SPTLC2: variants seen among roughly 807,000 people sequenced by gnomAD.
SPTLC2 encodes the protein serine palmitoyltransferase long chain base subunit 2.
A neutral mutation model predicts 62.0 loss-of-function variants in SPTLC2; 21 were observed. The observed-to-expected ratio is 0.34, with a 90% CI of 0.24 to 0.49. The LOEUF (loss-of-function observed/expected upper bound fraction) is 0.49. Ranked by LOEUF, SPTLC2 falls within the 20% of genes least tolerant of loss-of-function variation. The pLI, the probability that SPTLC2 is intolerant of heterozygous loss-of-function variation, is 0.99. For missense variants in SPTLC2, 511 were observed against 713.0 expected (o/e 0.72, Z 3.23); for synonymous variants, 261 against 261.8 (o/e 1.00, Z 0.03).
At chr14:77,562,577 T>G in intron 5 of SPTLC2, 88 bp from the exon 6 acceptor site, 1 of 979,756 alleles carries the variant, frequency 1.0e-6, no homozygotes, top group South Asian at 1.3e-5. Context: ...CACTAATAGC[T>G]GTATCTTATT....
intron 11 of SPTLC2, among the ~76,000 whole-genome samples, chr14:77,516,460 G>A (rs2079360315): frequency 1.3e-5 from 2 of 152,016 alleles, no homozygotes; most frequent in Non-Finnish European, 1.5e-5. Flanking sequence ...GAAATTCTGA[G>A]TTAACAGGTG....
At chr14:77,532,360 G>A (rs2079445029) in intron 9 of SPTLC2, among the ~76,000 whole-genome samples, 1 of 152,116 alleles carries the variant, frequency 6.6e-6, no homozygotes. Context: ...TTTTTTATCT[G>A]TGCATTTGCT....
intron 6 of SPTLC2, among the ~76,000 whole-genome samples, chr14:77,560,571 T>C (rs991644809): frequency 6.6e-6 from 1 of 151,812 alleles, no homozygotes; most frequent in Non-Finnish European, 1.5e-5. Flanking sequence ...GCTGAGTTCA[T>C]GCCAATGCAT....
intron 9 of SPTLC2, among the ~76,000 whole-genome samples, chr14:77,534,095 T>C (rs1461114777): frequency 6.6e-6 from 1 of 151,446 alleles, no homozygotes; most frequent in Non-Finnish European, 1.5e-5. Context: ...GTGGTAGAGG[T>C]TGCAGTGAGC....
chr14:77,580,246 G>A (rs1177906788), intron 2 of SPTLC2, among the ~76,000 whole-genome samples: 1 of 151,968 alleles, frequency 6.6e-6, no homozygotes, highest in Non-Finnish European at 1.5e-5. Context: ...GCCGAGGTGG[G>A]TGGGTGGGAA....
rs914492883 is a variant in SPTLC2 at position 77,508,194 on chromosome 14, A to T, written c.*4090T>A. 3.9e-5 allele frequency: 6 copies of T among 152,154 alleles called. No homozygotes were observed. Among genetic ancestry groups the T allele is most frequent in the African/African-American group, 1.2e-4 (5 of 41,426 alleles). 9.4% of individuals were successfully genotyped at this position (152,154 alleles called of 1,614,324 possible). Reference sequence around the variant, plus strand: ...CCATGCCCGGTTAATTTAGAAAAAAATTTTTGTAGAGACAGGGTCTATCTT... The same window carrying T: ...CCATGCCCGGTTAATTTAGAAAAAATTTTTTGTAGAGACAGGGTCTATCTT... On this transcript the variant is annotated 3_prime_UTR_variant, in exon 12 of 12. Transcript: ENST00000216484.
Position 77,512,238 on chromosome 14 carries a change from C to G in SPTLC2, c.*46G>C, listed in dbSNP as rs1271462334. On this transcript the variant is annotated 3_prime_UTR_variant, in exon 12 of 12. Transcript: ENST00000216484. ...GGAACTGGCTCACAAAGGCCACAGG[C>G]TGTCCTGGGTGAGGGAGAGTTCCTC... The G allele has an allele frequency of 6.2e-7, 1 of 1,612,292 alleles. No individual in the cohort carries two copies. Among genetic ancestry groups the G allele is most frequent in the African/African-American group, 1.3e-5 (1 of 74,880 alleles).
Position 77,591,573 on chromosome 14 carries a change from A to AT in SPTLC2, c.327+5612dup, listed in dbSNP as rs997524426. 4.0e-5 allele frequency among the ~76,000 whole-genome samples: 6 copies of AT among 151,748 alleles called. 1 individual carries two copies. In the East Asian group the frequency reaches 5.8e-4, roughly 15 times the overall value. ...GTGCTCTTTATTTTTTATTCTTCTTATTTTTTTTAGACAATCTCGCTCCAT... is the reference window on the plus strand; with the variant it reads ...GTGCTCTTTATTTTTTATTCTTCTTATTTTTTTTTAGACAATCTCGCTCCAT... On this transcript the variant is annotated intron_variant, in intron 2 of 11. Coordinates refer to ENST00000216484, the MANE Select transcript of SPTLC2 (RefSeq NM_004863.4).
At chr14:77,601,432 A>G (rs1023044451) in intron 1 of SPTLC2, among the ~76,000 whole-genome samples, 11 of 152,144 alleles carry the variant, frequency 7.2e-5, no homozygotes, top group Admixed American at 3.3e-4. Flanking sequence ...GCCTATCCCA[A>G]AACCTATAAG....
rs186176830 is a variant in SPTLC2 at position 77,509,872 on chromosome 14, G to C, written c.*2412C>G. 2 of 398,362 alleles carry C rather than the reference G, an allele frequency of 5.0e-6. No homozygotes were observed. The highest frequency in any genetic ancestry group is 2.1e-5 in the African/African-American group (1 of 48,728). The allele number at this position is 398,362 out of a possible 1,614,324, so 24.7% of individuals were successfully genotyped here. ...ATTACACTTATCTTGAAATAACTTT[G>C]TACCAACAAAGTGATATAGATATAT... is the stretch of plus-strand genomic sequence containing the variant. On this transcript the variant is annotated 3_prime_UTR_variant, in exon 12 of 12. Coordinates refer to ENST00000216484, the MANE Select transcript of SPTLC2 (RefSeq NM_004863.4).
intron 2 of SPTLC2, among the ~76,000 whole-genome samples, chr14:77,595,202 T>A (rs571409522): frequency 1.3e-5 from 2 of 152,148 alleles, no homozygotes; most frequent in South Asian, 4.1e-4. Flanking sequence ...TCGTTTCTAC[T>A]AAAAATACAA....
chr14:77,542,228 CTTTT>C (rs1395069325), intron 9 of SPTLC2, among the ~76,000 whole-genome samples: 2 of 151,754 alleles, frequency 1.3e-5, no homozygotes, highest in East Asian at 1.9e-4. Flanking sequence ...GAATTTATTT[CTTTT>C]GTGTTTTTTT....
chr14:77,536,067 A>C, intron 9 of SPTLC2: 1 of 406,994 alleles, frequency 2.5e-6, no homozygotes, highest in South Asian at 1.8e-5. Flanking sequence ...AAGGCTAAAA[A>C]CTGTGGAGAC....
intron 2 of SPTLC2, among the ~76,000 whole-genome samples, chr14:77,580,717 T>G (rs751281809): frequency 3.9e-5 from 6 of 152,040 alleles, no homozygotes; most frequent in Admixed American, 3.3e-4. Context: ...AGCGAGAACC[T>G]GTCTCAAAAA....
chr14:77,607,365 A>G, intron 1 of SPTLC2, among the ~76,000 whole-genome samples: 1 of 152,236 alleles, frequency 6.6e-6, no homozygotes, highest in East Asian at 1.9e-4. Flanking sequence ...AGTAATTGCC[A>G]TTAAATGGTT....
chr14:77,595,899 CA>C (rs942351582), intron 2 of SPTLC2, among the ~76,000 whole-genome samples: 1 of 152,164 alleles, frequency 6.6e-6, no homozygotes, highest in African/African-American at 2.4e-5. Context: ...CCATGTGGGA[CA>C]TGCCAAGAAC....
At chr14:77,567,786 G>T (rs2079653556) in intron 5 of SPTLC2, among the ~76,000 whole-genome samples, 1 of 145,382 alleles carries the variant, frequency 6.9e-6, no homozygotes. Flanking sequence ...GCTTAGTTTG[G>T]GTTTAATTTG....
Position 77,511,291 on chromosome 14 carries a change from C to T in SPTLC2, c.*993G>A, listed in dbSNP as rs1257095649. 6.6e-6 allele frequency: 1 copy of T among 152,180 alleles called. No individual in the cohort carries two copies. Among genetic ancestry groups the T allele is most frequent in the Non-Finnish European group, 1.5e-5 (1 of 68,034 alleles). The allele number at this position is 152,180 out of a possible 1,614,324, so 9.4% of individuals were successfully genotyped here. ...AACAGTTTCCTTTATCAGTTTAAATCCTAATCTGGACCCAGACCTAGCCAG... is the reference window on the plus strand; with the variant it reads ...AACAGTTTCCTTTATCAGTTTAAATTCTAATCTGGACCCAGACCTAGCCAG... On this transcript the variant is annotated 3_prime_UTR_variant, in exon 12 of 12. Coordinates refer to ENST00000216484, the MANE Select transcript of SPTLC2 (RefSeq NM_004863.4).
At chr14:77,520,421 G>C (rs2079379945) in intron 10 of SPTLC2, among the ~76,000 whole-genome samples, 1 of 152,032 alleles carries the variant, frequency 6.6e-6, no homozygotes, top group South Asian at 2.1e-4. Context: ...CATTTACTGA[G>C]TGTCGGAGAC....
Sources: gnomAD v4.1 joint callset for allele counts (sites outside exome capture counted in the v4.1 genomes callset) on GRCh38, gnomAD v4.1.1 for gene constraint, MANE v1.5 for transcripts, NCBI Gene and HGNC (gene_info 2026-07-23, HGNC 2026-07-21) for gene names.